PRDM16: variants seen among roughly 807,000 people sequenced by gnomAD.
PRDM16 encodes PR/SET domain 16, also known as histone-lysine N-methyltransferase PRDM16.
A neutral mutation model predicts 110.6 loss-of-function variants in PRDM16; 23 were observed. The observed-to-expected ratio is 0.21, with a 90% CI of 0.15 to 0.29. The LOEUF is 0.29. Among genes scored for constraint, PRDM16 ranks in the 10% least tolerant of loss-of-function variants. PRDM16 has a pLI of 1.00. For missense variants in PRDM16, 1,615 were observed against 1,794.3 expected (o/e 0.90, Z 1.81); for synonymous variants, 799 against 781.8 (o/e 1.02, Z -0.37).
intron 1 of PRDM16, among the ~76,000 whole-genome samples, chr1:3,083,693 T>G (rs1315382881): frequency 6.6e-6 from 1 of 151,780 alleles, no homozygotes; most frequent in African/African-American, 2.4e-5. Context: ...TTCCAGGGGG[T>G]TGGGGGTGTT....
intron 1 of PRDM16, among the ~76,000 whole-genome samples, chr1:3,100,073 C>T (rs1570248243): frequency 1.3e-5 from 2 of 152,238 alleles, no homozygotes; most frequent in South Asian, 4.2e-4. Context: ...TGGAGAGGCC[C>T]GGCACTGCCC....
At chr1:3,372,473 C>T (rs544950687) in intron 3 of PRDM16, among the ~76,000 whole-genome samples, 2 of 152,346 alleles carry the variant, frequency 1.3e-5, no homozygotes, top group Admixed American at 6.5e-5. Flanking sequence ...CCCAGGGCCT[C>T]GTGTCACCTC....
intron 3 of PRDM16, among the ~76,000 whole-genome samples, chr1:3,349,055 A>G (rs1212438325): frequency 6.6e-6 from 1 of 152,148 alleles, no homozygotes; most frequent in Non-Finnish European, 1.5e-5. Context: ...ATGGCCGGAG[A>G]GGCTGGGGCT....
chr1:3,438,331 C>A lies in PRDM16; in HGVS notation c.*4520C>A, dbSNP rs11584897. 1.0e-4 allele frequency: 21 copies of A among 201,736 alleles called. No individual in the cohort carries two copies. Among genetic ancestry groups the A allele is most frequent in the Non-Finnish European group, 2.1e-4 (21 of 98,076 alleles). 12.5% of individuals were successfully genotyped at this position (201,736 alleles called of 1,614,324 possible). ...GAGACTAGGAGTCCTGAACTGCTGA[C>A]GCGAAAGAGGCGCAGTTCCCAATTA... On this transcript the variant is annotated 3_prime_UTR_variant, in exon 17 of 17. Transcript: ENST00000270722.
At position 3,143,928 on chromosome 1, in the gene PRDM16, C is replaced by G. The variant is rs960082568; in HGVS notation, c.38-42197C>G. Among the ~76,000 whole-genome samples, 31 of 152,112 alleles carry G rather than the reference C, an allele frequency of 2.0e-4. No homozygotes were observed. Among genetic ancestry groups the G allele is most frequent in the African/African-American group, 6.8e-4 (28 of 41,422 alleles). On this transcript the variant is annotated intron_variant, in intron 1 of 16. Transcript: ENST00000270722. This position sits in a 1 kb window ranked among gnomAD's most constrained non-coding sequence, Gnocchi z 4.5. The stretch of plus-strand genomic sequence containing the variant: ...CTGGGGCATCTTGTCATGTGTTAGT[C>G]GTAGTGAAGGCTCCACAAGCACTTT...
chr1:3,286,270 T>C (rs1309199412), intron 3 of PRDM16, among the ~76,000 whole-genome samples: 1 of 152,160 alleles, frequency 6.6e-6, no homozygotes, highest in African/African-American at 2.4e-5. Flanking sequence ...GGGAAGCACG[T>C]GTTGATAAAG....
intron 2 of PRDM16, among the ~76,000 whole-genome samples, chr1:3,229,568 C>CA (rs1317797357): frequency 6.6e-6 from 1 of 152,236 alleles, no homozygotes; most frequent in African/African-American, 2.4e-5. Flanking sequence ...ACAGGATGTA[C>CA]ATTCCAAGCC....
chr1:3,126,499 A>T (rs529417524), intron 1 of PRDM16, among the ~76,000 whole-genome samples: 1 of 152,310 alleles, frequency 6.6e-6, no homozygotes, highest in East Asian at 1.9e-4. Flanking sequence ...GTCAGGTCAG[A>T]TCAGGTGGAC....
In PRDM16 at chr1:3,425,919, G is replaced by A. The variant is rs1000794493; in HGVS notation, c.3110-132G>A. The A allele has an allele frequency of 3.5e-5, 44 of 1,243,668 alleles. No individual in the cohort carries two copies. Among genetic ancestry groups the A allele is most frequent in the Admixed American group, 2.1e-4 (8 of 38,886 alleles). The allele number at this position is 1,243,668 out of a possible 1,614,324, so 77.0% of individuals were successfully genotyped here. Reference sequence around the variant, plus strand: ...AACCGTGGTCATTAAAGAGAACCTCGTGCTCTCCGGTGTCCCTAAGAAACC... The same window carrying A: ...AACCGTGGTCATTAAAGAGAACCTCATGCTCTCCGGTGTCCCTAAGAAACC... On this transcript the variant is annotated intron_variant, in intron 13 of 16. Transcript: ENST00000270722. The surrounding 1 kb of genome is among the most constrained non-coding windows in gnomAD (Gnocchi z 6.9).
intron 1 of PRDM16, among the ~76,000 whole-genome samples, chr1:3,147,014 A>ACGTGTGTGCTCGGTGTGGGGGGTG (rs1643682110): frequency 2.9e-5 from 1 of 34,846 alleles, no homozygotes; most frequent in Admixed American, 4.1e-4. Flanking sequence ...TGTGGGGGGT[A>ACGTGTGTGCTCGGTGTGGGGGGTG]TGCGCACGTG....
intron 2 of PRDM16, among the ~76,000 whole-genome samples, chr1:3,205,096 G>T (rs1638724610): frequency 6.6e-6 from 1 of 152,082 alleles, no homozygotes; most frequent in South Asian, 2.1e-4. Context: ...TTCCCGGGAA[G>T]GGTGGGCAAG....
rs752775784 is a variant in PRDM16, at chr1:3,433,815, G to T, written c.*4G>T. On this transcript the variant is annotated 3_prime_UTR_variant, in exon 17 of 17. Coordinates refer to ENST00000270722, the MANE Select transcript of PRDM16 (RefSeq NM_022114.4). ...TCACCCCATCAACCACCTCTGACGGGCTGGGCAGCCGGGGGCCGGTGGCCA... is the reference window on the plus strand; with the variant it reads ...TCACCCCATCAACCACCTCTGACGGTCTGGGCAGCCGGGGGCCGGTGGCCA... 9 of 1,612,558 alleles carry T rather than the reference G, an allele frequency of 5.6e-6. No homozygotes were observed. In the Middle Eastern group the frequency reaches 8.3e-4, roughly 148 times the overall value.
intron 3 of PRDM16, among the ~76,000 whole-genome samples, chr1:3,326,251 C>T (rs1159659400): frequency 2.6e-5 from 4 of 152,368 alleles, no homozygotes; most frequent in East Asian, 3.9e-4. Flanking sequence ...CCTCCATCCC[C>T]GCCTCTGTCT....
intron 1 of PRDM16, among the ~76,000 whole-genome samples, chr1:3,118,068 T>G (rs1006538844): frequency 4.0e-5 from 6 of 150,110 alleles, no homozygotes; most frequent in Non-Finnish European, 8.9e-5. Flanking sequence ...TGTACATGCA[T>G]GTGTGTGTGC....
chr1:3,158,723 TCTTTCTTCC>T (rs893713577), intron 1 of PRDM16, among the ~76,000 whole-genome samples: 6 of 151,828 alleles, frequency 4.0e-5, no homozygotes, highest in African/African-American at 1.4e-4. Flanking sequence ...TTCTTCCTTT[TCTTTCTTCC>T]CTTTCTTCCC....
At chr1:3,352,903 A>G (rs1477352302) in intron 3 of PRDM16, among the ~76,000 whole-genome samples, 2 of 152,144 alleles carry the variant, frequency 1.3e-5, no homozygotes, top group African/African-American at 4.8e-5. Flanking sequence ...GTGTTCACAC[A>G]AGTCCCACGT....
chr1:3,301,694 C>G (rs1345008147), intron 3 of PRDM16, among the ~76,000 whole-genome samples: 1 of 152,314 alleles, frequency 6.6e-6, no homozygotes, highest in African/African-American at 2.4e-5. Flanking sequence ...GGATTTTGCT[C>G]TGTGTCTGTT....
At position 3,201,967 on chromosome 1, in the gene PRDM16, C is replaced by T. The variant is rs993396487; in HGVS notation, c.387+15493C>T. Reference sequence around the variant, plus strand: ...GTAGGTTTCTTGCTTCAGTGGTGCCCGTACATAATAGTGGGTCCCACACGT... The same window carrying T: ...GTAGGTTTCTTGCTTCAGTGGTGCCTGTACATAATAGTGGGTCCCACACGT... On this transcript the variant is annotated intron_variant, in intron 2 of 16. Coordinates refer to ENST00000270722, the MANE Select transcript of PRDM16 (RefSeq NM_022114.4). This position sits in a 1 kb window ranked among gnomAD's most constrained non-coding sequence, Gnocchi z 4.1. Among the ~76,000 whole-genome samples the T allele has an allele frequency of 1.1e-4, 17 of 152,172 alleles. No individual in the cohort carries two copies. Among genetic ancestry groups the T allele is most frequent in the African/African-American group, 3.4e-4 (14 of 41,462 alleles).
intron 1 of PRDM16, chr1:3,133,381 A>T (rs1643373542): frequency 6.6e-6 from 1 of 152,214 alleles, no homozygotes. Flanking sequence ...TTCAGAGGGG[A>T]TCTTCTCAGC....
Sources: allele counts gnomAD v4.1 joint callset (sites outside exome capture counted in the v4.1 genomes callset), GRCh38; gene constraint gnomAD v4.1.1; non-coding constraint Gnocchi (gnomAD v3.1); transcripts MANE v1.5; gene names NCBI Gene and HGNC (gene_info 2026-07-23, HGNC 2026-07-21).